Variants in CALCOCO2 observed in about 807,000 individuals in gnomAD.
CALCOCO2 encodes the protein calcium binding and coiled-coil domain 2.
Under a neutral mutation model 62.5 loss-of-function variants are expected in CALCOCO2, and 42 were observed. That is an observed-to-expected ratio of 0.67 (90% confidence interval 0.53 to 0.87). The LOEUF (loss-of-function observed/expected upper bound fraction) is 0.87, where lower values mean the gene tolerates loss of function less well. Ranked by LOEUF, CALCOCO2 falls within the 40% of genes least tolerant of loss-of-function variation. The probability of loss-of-function intolerance (pLI) is 0.00; values close to 1 mark genes in which losing one functional copy is unlikely to be tolerated. For synonymous variants in CALCOCO2, 167 were observed against 173.0 expected, an observed-to-expected ratio of 0.97 and a Z score of 0.27; for missense variants, 456 against 515.0, an observed-to-expected ratio of 0.89 and a Z score of 1.11.
chr17:48,852,009 G>A (rs771900919), intron 7 of CALCOCO2, among the ~76,000 whole-genome samples: 8 of 151,910 alleles, frequency 5.3e-5, no homozygotes, highest in African/African-American at 7.3e-5. Context: ...ATTTACAGGC[G>A]CACGTGTAAT....
At chr17:48,847,952 G>A (rs2040074865) in intron 2 of CALCOCO2, 112 bp from the exon 3 acceptor site, 3 of 656,360 alleles carry the variant, frequency 4.6e-6, no homozygotes, top group African/African-American at 1.8e-5. Flanking sequence ...ACTGCACCCG[G>A]CCTATATTTT....
rs200605957 is a variant in CALCOCO2, at chr17:48,845,135, CA to C, written c.181-2919del. The stretch of plus-strand genomic sequence containing the variant: ...TGGGCAACAGAGCAAGACTCCATCT[CA>C]AAAAAAAAATTTTTTTTAAAGATGT... On this transcript the variant is annotated intron_variant, in intron 2 of 12. Coordinates refer to ENST00000258947, the MANE Select transcript of CALCOCO2 (RefSeq NM_005831.5). Among the ~76,000 whole-genome samples, 8 of 150,122 alleles carry C rather than the reference CA, an allele frequency of 5.3e-5. No individual in the cohort carries two copies. In the East Asian group the frequency reaches 1.2e-3, roughly 22 times the overall value.
chr17:48,840,624 T>G (rs2039964076), intron 1 of CALCOCO2, among the ~76,000 whole-genome samples: 1 of 152,230 alleles, frequency 6.6e-6, no homozygotes, highest in African/African-American at 2.4e-5. Flanking sequence ...AAAAACTCAC[T>G]TGTCGAAATC....
At chr17:48,854,714 T>C (rs531782435) in intron 9 of CALCOCO2, among the ~76,000 whole-genome samples, 7 of 151,712 alleles carry the variant, frequency 4.6e-5, no homozygotes, top group Non-Finnish European at 1.0e-4. Flanking sequence ...CCAATTTTCT[T>C]AGTTTTCATG....
intron 10 of CALCOCO2, among the ~76,000 whole-genome samples, chr17:48,858,046 A>ATAGAATAGAAAATAG: frequency 7.5e-5 from 3 of 40,044 alleles, no homozygotes; most frequent in African/African-American, 2.8e-4. Flanking sequence ...ATAGAATAGA[A>ATAGAATAGAAAATAG]AATAGAATAG....
chr17:48,840,341 G>C (rs1296082866), intron 1 of CALCOCO2, among the ~76,000 whole-genome samples: 1 of 151,564 alleles, frequency 6.6e-6, no homozygotes, highest in Admixed American at 6.6e-5. Context: ...ATGTTGCCCA[G>C]GTTGGTCATG....
chr17:48,857,364 G>GTT (rs1344877013), intron 10 of CALCOCO2, among the ~76,000 whole-genome samples: 1 of 151,112 alleles, frequency 6.6e-6, no homozygotes, highest in East Asian at 2.0e-4. Flanking sequence ...CGCCTGGCTA[G>GTT]TTTTGTATTT....
At chr17:48,862,129 T>G in intron 11 of CALCOCO2, 147 bp from the exon 12 acceptor site, 1 of 705,126 alleles carries the variant, frequency 1.4e-6, no homozygotes, top group Non-Finnish European at 2.6e-6. Flanking sequence ...CTATCAGAAG[T>G]AACGGTATAT....
chr17:48,862,048 CAAA>C (rs10540362), intron 11 of CALCOCO2, among the ~76,000 whole-genome samples: 21 of 133,654 alleles, frequency 1.6e-4, no homozygotes, highest in South Asian at 2.4e-4. Context: ...GACTCTGTCT[CAAA>C]AAAAAAAAAA....
intron 9 of CALCOCO2, among the ~76,000 whole-genome samples, chr17:48,855,625 T>C (rs1017031732): frequency 4.6e-5 from 7 of 152,262 alleles, no homozygotes; most frequent in African/African-American, 1.4e-4. Context: ...TCCCTCTTCC[T>C]TCATGTAACT....
intron 2 of CALCOCO2, chr17:48,845,906 C>G (rs1327597891): frequency 6.9e-6 from 3 of 432,858 alleles, no homozygotes; most frequent in African/African-American, 4.1e-5. Context: ...TCCCAAACCT[C>G]TGGTTTTTCC....
intron 10 of CALCOCO2, 44 bp from the exon 11 acceptor site, chr17:48,860,267 ATTC>A (rs748387671): frequency 6.4e-6 from 10 of 1,573,764 alleles, no homozygotes; most frequent in Non-Finnish European, 7.8e-6. Context: ...CCTGGTGGCC[ATTC>A]TTGGTATTGT....
chr17:48,844,918 T>G (rs1014231701), intron 2 of CALCOCO2, among the ~76,000 whole-genome samples: 1 of 152,106 alleles, frequency 6.6e-6, no homozygotes, highest in African/African-American at 2.4e-5. Flanking sequence ...GATGGATCAC[T>G]TAAGGTCAGG....
intron 7 of CALCOCO2, 47 bp downstream of exon 7, chr17:48,851,675 C>T (rs761872981): frequency 9.2e-7 from 1 of 1,081,744 alleles, no homozygotes; most frequent in Non-Finnish European, 1.4e-6. Context: ...TTAGCCTTAC[C>T]ACTGCTCCAA....
At position 48,859,678 on chromosome 17, in the gene CALCOCO2, G is replaced by A. The variant is rs73329931; in HGVS notation, c.1009-636G>A. Among the ~76,000 whole-genome samples the A allele has an allele frequency of 4.1e-3, 620 of 152,262 alleles. 2 individuals carry two copies. Among genetic ancestry groups the A allele is most frequent in the African/African-American group, 0.013 (556 of 41,556 alleles). ...TAATATACCTATCAGAATAGTTGCA[G>A]TGTTAATATAGCTCCTGCCACTTTC... On this transcript the variant is annotated intron_variant, in intron 10 of 12. Transcript: ENST00000258947.
rs1567755615 is a variant in CALCOCO2, at chr17:48,851,182, G to A, written c.632+5G>A. The A allele has an allele frequency of 1.3e-6, 2 of 1,550,556 alleles. No individual in the cohort carries two copies. The highest frequency in any genetic ancestry group is 1.8e-6 in the Non-Finnish European group (2 of 1,122,262). ...TTGGGAGACAGAGCTGCTTCAGTGA[G>A]TGCATCCCATAATTCTGGGAGGGGA... On this transcript the variant is annotated splice_donor_5th_base_variant and intron_variant, in intron 6 of 12. Transcript: ENST00000258947.
intron 11 of CALCOCO2, among the ~76,000 whole-genome samples, chr17:48,861,840 G>T (rs2040332673): frequency 6.6e-6 from 1 of 151,648 alleles, no homozygotes; most frequent in Non-Finnish European, 1.5e-5. Context: ...TTGAGGTCAG[G>T]AGTTTGAGAC....
chr17:48,840,790 C>T (rs1293968471), intron 1 of CALCOCO2, among the ~76,000 whole-genome samples: 1 of 152,152 alleles, frequency 6.6e-6, no homozygotes, highest in Non-Finnish European at 1.5e-5. Flanking sequence ...CCTCTATCCT[C>T]TCTATTGGAT....
intron 1 of CALCOCO2, among the ~76,000 whole-genome samples, chr17:48,832,282 T>A (rs1423874878): frequency 6.6e-6 from 1 of 152,110 alleles, no homozygotes; most frequent in African/African-American, 2.4e-5. Flanking sequence ...TAATCCCAGC[T>A]ACTTGGGAGG....
Sources: allele counts gnomAD v4.1 joint callset (sites outside exome capture counted in the v4.1 genomes callset), GRCh38; gene constraint gnomAD v4.1.1; transcripts MANE v1.5; gene names NCBI Gene and HGNC (gene_info 2026-07-23, HGNC 2026-07-21).